UBAC1: variants seen among roughly 807,000 people sequenced by gnomAD.
UBAC1 encodes the protein ubiquitin-associated domain-containing protein 1.
A neutral mutation model predicts 45.9 loss-of-function variants in UBAC1; 27 were observed. That is an observed-to-expected ratio of 0.59 (90% CI 0.43 to 0.81). The LOEUF is 0.81. Among genes scored for constraint, UBAC1 ranks in the 30% least tolerant of loss-of-function variants. The pLI is 0.00. For synonymous variants in UBAC1, 227 were observed against 215.5 expected (o/e 1.05, Z -0.47); for missense variants, 529 against 539.2 (o/e 0.98, Z 0.19).
At chr9:135,945,395 C>T in intron 6 of UBAC1, 145 bp from the exon 7 acceptor site, 1 of 688,394 alleles carries the variant, frequency 1.5e-6, no homozygotes, top group Non-Finnish European at 2.3e-6. Context: ...CCTGAATGAA[C>T]ACAGGTGCGA....
At chr9:135,936,110 G>A (rs1053661007) in intron 9 of UBAC1, among the ~76,000 whole-genome samples, 1 of 151,964 alleles carries the variant, frequency 6.6e-6, no homozygotes, top group Non-Finnish European at 1.5e-5. Context: ...TGTGTGCTGG[G>A]GGCAGATCTT....
chr9:135,937,931 C>A (rs1377045491), intron 9 of UBAC1, among the ~76,000 whole-genome samples: 1 of 152,238 alleles, frequency 6.6e-6, no homozygotes, highest in East Asian at 1.9e-4. Context: ...CTGGCGCAGT[C>A]TCCACCCCGC....
At chr9:135,948,082 G>A (rs1159653778) in intron 3 of UBAC1, 177 bp from the exon 4 acceptor site, 1 of 588,120 alleles carries the variant, frequency 1.7e-6, no homozygotes, top group East Asian at 2.9e-5. Context: ...CCCAGGGACA[G>A]CAGACGTGTC....
chr9:135,953,429 G>A (rs1379180705), intron 3 of UBAC1, among the ~76,000 whole-genome samples: 1 of 152,090 alleles, frequency 6.6e-6, no homozygotes, highest in Non-Finnish European at 1.5e-5. Context: ...AGATTCTCCT[G>A]CCTCAGCCTC....
chr9:135,939,384 C>T (rs1481515394), intron 8 of UBAC1, among the ~76,000 whole-genome samples: 5 of 152,256 alleles, frequency 3.3e-5, no homozygotes, highest in Non-Finnish European at 7.4e-5. Flanking sequence ...GGCAAACACA[C>T]GGCCTCCACC....
Position 135,946,275 on chromosome 9 carries a change from C to T in UBAC1, c.538G>A (p.Ala180Thr). ...NPDAVELFKKANAMLDEDEDE... is the reference protein window; with the variant it reads ...NPDAVELFKKTNAMLDEDEDE... ...CATCGGGGTTGACTCATACCATTCG[C>T]CTTCTTAAACAATTCCACTGCATCT... Residue 180 changes from alanine (A) to threonine (T), a missense_variant, in exon 5 of 10, where the codon GCG becomes ACG. Transcript: ENST00000371756. The T allele has an allele frequency of 6.2e-7, 1 of 1,611,158 alleles. No individual in the cohort carries two copies. Among genetic ancestry groups the T allele is most frequent in the Non-Finnish European group, 8.5e-7 (1 of 1,177,416 alleles).
At chr9:135,943,777 A>G (rs1479825085) in intron 7 of UBAC1, among the ~76,000 whole-genome samples, 1 of 152,240 alleles carries the variant, frequency 6.6e-6, no homozygotes, top group Non-Finnish European at 1.5e-5. Context: ...ACACCATGGA[A>G]TACTATGCAG....
At chr9:135,946,935 G>A (rs2131088014) in intron 4 of UBAC1, among the ~76,000 whole-genome samples, 1 of 152,328 alleles carries the variant, frequency 6.6e-6, no homozygotes, top group Middle Eastern at 3.4e-3. Flanking sequence ...CACCACACTA[G>A]AGAAATACCT....
chr9:135,948,606 G>A (rs1839368039), intron 3 of UBAC1, among the ~76,000 whole-genome samples: 1 of 152,254 alleles, frequency 6.6e-6, no homozygotes, highest in African/African-American at 2.4e-5. Context: ...CCCCGGGCCA[G>A]GAGCCCTAGG....
rs1054718940 is a variant in UBAC1, at chr9:135,959,848, G to A, written c.138+1177C>T. Among the ~76,000 whole-genome samples the A allele has an allele frequency of 7.2e-5, 11 of 152,060 alleles. No homozygotes were observed. The South Asian group carries it at 1.0e-3, about 14-fold the overall frequency. On this transcript the variant is annotated intron_variant, in intron 1 of 9. Coordinates refer to ENST00000371756, the MANE Select transcript of UBAC1 (RefSeq NM_016172.3). ...AGCAAGAAAGCAGCCAAAACATACC[G>A]GCCCTTGAACGCAGGAGGCTCAGCC... is the stretch of plus-strand genomic sequence containing the variant.
intron 9 of UBAC1, among the ~76,000 whole-genome samples, chr9:135,935,471 C>T (rs1268782503): frequency 1.3e-5 from 2 of 152,054 alleles, no homozygotes; most frequent in African/African-American, 2.4e-5. Flanking sequence ...AAAAACGAGA[C>T]CCCATCTCAA....
At chr9:135,942,104 T>C (rs1839276501) in intron 7 of UBAC1, 1 of 152,208 alleles carries the variant, frequency 6.6e-6, no homozygotes, top group Admixed American at 6.5e-5. Flanking sequence ...TTGTTAAGAA[T>C]GAGCATCCAT....
intron 7 of UBAC1, among the ~76,000 whole-genome samples, chr9:135,944,636 G>A (rs1423695726): frequency 2.0e-5 from 3 of 152,208 alleles, no homozygotes; most frequent in Admixed American, 6.5e-5. Flanking sequence ...GACGGCAAAT[G>A]ACCCTCCCGG....
rs765163186 is a variant in UBAC1 at position 135,945,016 on chromosome 9, A to G, written c.876+12T>C. ...AGCGACTCTGCCTGGCGACAGGTCT[A>G]GTAACACATACCCGAGCATCAGCCC... is the stretch of plus-strand genomic sequence containing the variant. On this transcript the variant is annotated intron_variant, in intron 7 of 9. Transcript: ENST00000371756. 1.9e-6 allele frequency: 3 copies of G among 1,611,402 alleles called. No individual in the cohort carries two copies. In the African/African-American group the frequency reaches 4.0e-5, roughly 22 times the overall value.
Position 135,945,204 on chromosome 9 carries a change from C to G in UBAC1, c.700G>C (p.Asp234His). ...AMEWLIEHAE[D>H]PTIDTPLPGQ... ...GGAAGAGGCGTGTCTATGGTCGGGT[C>G]TTCTGCGTGTTCAATTAGCCACTCC... Residue 234 changes from aspartate (D) to histidine (H), a missense_variant, in exon 7 of 10, where the codon GAC becomes CAC. Transcript: ENST00000371756. 6.2e-7 allele frequency: 1 copy of G among 1,609,620 alleles called. No homozygotes were observed. Among genetic ancestry groups the G allele is most frequent in the Non-Finnish European group, 8.5e-7 (1 of 1,177,910 alleles).
intron 7 of UBAC1, among the ~76,000 whole-genome samples, chr9:135,940,684 T>C (rs139791104): frequency 0.018 from 2,761 of 152,186 alleles, 42 homozygotes; most frequent in Non-Finnish European, 0.023. Flanking sequence ...GGGAAGGACA[T>C]ACATTTTCTG....
At chr9:135,958,619 C>T (rs970932260) in intron 1 of UBAC1, among the ~76,000 whole-genome samples, 8 of 152,198 alleles carry the variant, frequency 5.3e-5, no homozygotes, top group Admixed American at 1.3e-4. Flanking sequence ...GGCGTCAGCA[C>T]GCACTGGGGA....
Position 135,958,733 on chromosome 9 carries a change from C to T in UBAC1, c.138+2292G>A, listed in dbSNP as rs192379140. ...CAGAGAGACATTCAAATACACAACTCGAGGGTTCTCTTTTCTGACTAACGC... is the reference window on the plus strand; with the variant it reads ...CAGAGAGACATTCAAATACACAACTTGAGGGTTCTCTTTTCTGACTAACGC... On this transcript the variant is annotated intron_variant, in intron 1 of 9. Coordinates refer to ENST00000371756, the MANE Select transcript of UBAC1 (RefSeq NM_016172.3). Among the ~76,000 whole-genome samples the T allele has an allele frequency of 6.5e-3, 985 of 152,280 alleles. 29 individuals are homozygous for T. Among genetic ancestry groups the T allele is most frequent in the Non-Finnish European group, 3.8e-3 (261 of 68,024 alleles).
At chr9:135,960,920 TG>T in intron 1 of UBAC1, 104 bp downstream of exon 1, 1 of 1,056,496 alleles carries the variant, frequency 9.5e-7, no homozygotes, top group Non-Finnish European at 1.3e-6. Flanking sequence ...AGCTGCGGAC[TG>T]GGCGGCGGAC....
Sources: allele counts gnomAD v4.1 joint callset (sites outside exome capture counted in the v4.1 genomes callset), GRCh38; gene constraint gnomAD v4.1.1; transcripts MANE v1.5; gene names NCBI Gene and HGNC (gene_info 2026-07-23, HGNC 2026-07-21).